CDH13: variants seen among roughly 807,000 people sequenced by gnomAD.
CDH13 encodes cadherin-13.
In CDH13, 24 loss-of-function variants were observed where a neutral mutation model predicts 63.8. The observed-to-expected ratio is 0.38, with a 90% CI of 0.27 to 0.53. The LOEUF (loss-of-function observed/expected upper bound fraction) is 0.53. CDH13 is among the 20% of genes least tolerant of loss of function. The probability of loss-of-function intolerance (pLI) is 0.85; values close to 1 mark genes in which losing one functional copy is unlikely to be tolerated. For synonymous variants in CDH13, 503 were observed against 355.3 expected, an observed-to-expected ratio of 1.42 and a Z score of -4.67; for missense variants, 1,049 against 903.1, an observed-to-expected ratio of 1.16 and a Z score of -2.07.
chr16:83,627,977 C>T (rs137861661), intron 8 of CDH13, among the ~76,000 whole-genome samples: 36 of 152,310 alleles, frequency 2.4e-4, no homozygotes, highest in African/African-American at 7.9e-4. Flanking sequence ...AACTTCCTGA[C>T]GTTACCATGG....
chr16:82,658,481 G>C (rs1911557248), intron 1 of CDH13, among the ~76,000 whole-genome samples: 1 of 152,216 alleles, frequency 6.6e-6, no homozygotes, highest in Non-Finnish European at 1.5e-5. Context: ...CTTCATACCT[G>C]TCTCAAGAGA....
intron 6 of CDH13, among the ~76,000 whole-genome samples, chr16:83,409,832 G>T (rs573396433): frequency 2.6e-5 from 4 of 152,300 alleles, no homozygotes; most frequent in East Asian, 1.9e-4. Flanking sequence ...CAGTAAGTCT[G>T]GGTTATTTAA....
chr16:83,518,178 T>C, intron 7 of CDH13, among the ~76,000 whole-genome samples: 1 of 152,116 alleles, frequency 6.6e-6, no homozygotes, highest in Non-Finnish European at 1.5e-5. Context: ...GGAGTCTTGT[T>C]CTCTCACCCA....
At chr16:82,657,076 T>C (rs995255657) in intron 1 of CDH13, among the ~76,000 whole-genome samples, 1 of 152,180 alleles carries the variant, frequency 6.6e-6, no homozygotes, top group Non-Finnish European at 1.5e-5. Flanking sequence ...ATAGATCTTG[T>C]ATATATACAG....
chr16:83,713,958 C>G (rs899370661), intron 10 of CDH13, among the ~76,000 whole-genome samples: 2 of 152,188 alleles, frequency 1.3e-5, no homozygotes, highest in Non-Finnish European at 2.9e-5. Context: ...GCTCTGCACC[C>G]CAGAGAAATG....
intron 10 of CDH13, among the ~76,000 whole-genome samples, chr16:83,745,626 C>T (rs1200213316): frequency 6.6e-6 from 1 of 152,106 alleles, no homozygotes; most frequent in Non-Finnish European, 1.5e-5. Context: ...ATTTCTTATT[C>T]CCTGGCTCCC....
intron 6 of CDH13, among the ~76,000 whole-genome samples, chr16:83,422,438 G>A (rs2071744893): frequency 1.3e-5 from 2 of 152,196 alleles, no homozygotes; most frequent in Admixed American, 6.5e-5. Context: ...AATGCTGGCT[G>A]CAGAGGTCTT....
chr16:82,846,412 C>T (rs1339265839), intron 1 of CDH13, among the ~76,000 whole-genome samples: 1 of 152,104 alleles, frequency 6.6e-6, no homozygotes, highest in African/African-American at 2.4e-5. Flanking sequence ...ATAACACCTA[C>T]TGTGAGCCAG....
intron 5 of CDH13, among the ~76,000 whole-genome samples, chr16:83,288,779 C>T (rs1173980183): frequency 2.0e-5 from 3 of 152,172 alleles, no homozygotes; most frequent in East Asian, 1.9e-4. Flanking sequence ...CAAAACGAGC[C>T]GCTGCAGTGC....
intron 8 of CDH13, among the ~76,000 whole-genome samples, chr16:83,630,714 G>T (rs1266442604): frequency 6.6e-6 from 1 of 152,226 alleles, no homozygotes; most frequent in Non-Finnish European, 1.5e-5. Flanking sequence ...CACCTGTGAA[G>T]ATGAGCGATC....
chr16:83,171,643 G>A, intron 4 of CDH13: 1 of 1,222,798 alleles, frequency 8.2e-7, no homozygotes, highest in Non-Finnish European at 1.2e-6. Flanking sequence ...TTTCCTATAT[G>A]CCATCAGGGG....
At chr16:83,027,056 A>T (rs1370714975) in intron 2 of CDH13, among the ~76,000 whole-genome samples, 1 of 150,940 alleles carries the variant, frequency 6.6e-6, no homozygotes, top group African/African-American at 2.4e-5. Context: ...TCTTATCCCA[A>T]TTCACAGCCT....
intron 6 of CDH13, among the ~76,000 whole-genome samples, chr16:83,384,575 G>A (rs2091635587): frequency 6.6e-6 from 1 of 152,238 alleles, no homozygotes; most frequent in African/African-American, 2.4e-5. Flanking sequence ...ACGAGCAGAA[G>A]GAATGGTTCT....
intron 4 of CDH13, among the ~76,000 whole-genome samples, chr16:83,201,719 A>G (rs575643087): frequency 9.0e-4 from 136 of 151,706 alleles, no homozygotes; most frequent in Non-Finnish European, 1.5e-3. Flanking sequence ...AACATGGTGA[A>G]ACCCCGTCTC....
intron 2 of CDH13, among the ~76,000 whole-genome samples, chr16:83,000,234 T>C (rs1431705078): frequency 2.4e-5 from 2 of 83,072 alleles, no homozygotes; most frequent in South Asian, 9.8e-4. Flanking sequence ...TTTTTTTTTT[T>C]TTTTTTTTTT....
intron 6 of CDH13, among the ~76,000 whole-genome samples, chr16:83,468,949 C>T (rs2073387504): frequency 1.3e-5 from 2 of 152,128 alleles, no homozygotes; most frequent in South Asian, 4.1e-4. Context: ...TTCCATTGCC[C>T]GTGGGTTTCT....
In CDH13 at chr16:82,849,780, A is replaced by G. The variant is rs149502973; in HGVS notation, c.46-8582A>G. ...AAGCCAATGCTTATTCACCATTGCA[A>G]ACATCTTAGGGCCCTTAAGAATTGT... On this transcript the variant is annotated intron_variant, in intron 1 of 13. Coordinates refer to ENST00000567109, the MANE Select transcript of CDH13 (RefSeq NM_001257.5). Among the ~76,000 whole-genome samples, 615 of 152,344 alleles carry G rather than the reference A, an allele frequency of 4.0e-3. 4 individuals are homozygous for G. Among genetic ancestry groups the G allele is most frequent in the African/African-American group, 0.014 (590 of 41,578 alleles).
At chr16:83,296,196 T>C (rs1261229376) in intron 5 of CDH13, among the ~76,000 whole-genome samples, 1 of 152,202 alleles carries the variant, frequency 6.6e-6, no homozygotes, top group African/African-American at 2.4e-5. Flanking sequence ...CTTTTCCCAC[T>C]CTTCTTTGTG....
intron 2 of CDH13, among the ~76,000 whole-genome samples, chr16:83,016,773 T>C (rs2151446696): frequency 6.6e-6 from 1 of 152,232 alleles, no homozygotes; most frequent in Non-Finnish European, 1.5e-5. Context: ...ATTCTAGATA[T>C]CCACAAGGAA....
Sources: allele counts gnomAD v4.1 joint callset (sites outside exome capture counted in the v4.1 genomes callset), GRCh38; gene constraint gnomAD v4.1.1; transcripts MANE v1.5; gene names NCBI Gene and HGNC (gene_info 2026-07-23, HGNC 2026-07-21).